SLC38A6: variants seen among roughly 807,000 people sequenced by gnomAD.
SLC38A6 encodes the protein N system amino acid transporter NAT-1.
A neutral mutation model predicts 65.0 loss-of-function variants in SLC38A6; 73 were observed. The ratio of observed to expected loss-of-function variants is 1.12; its 90% CI spans 0.93 to 1.37. The LOEUF is 1.37. SLC38A6 is among the 40% of genes most tolerant of loss of function. The pLI, the probability that SLC38A6 is intolerant of heterozygous loss-of-function variation, is 0.00. For synonymous variants in SLC38A6, 183 were observed against 178.8 expected, an observed-to-expected ratio of 1.02 and a Z score of -0.19; for missense variants, 561 against 531.1, an observed-to-expected ratio of 1.06 and a Z score of -0.55.
intron 1 of SLC38A6, 71 bp downstream of exon 1, chr14:60,981,453 C>G (rs144036194): frequency 6.5e-7 from 1 of 1,545,996 alleles, no homozygotes. Flanking sequence ...CAAATAAGAC[C>G]CAGAAAAGGA....
At chr14:60,993,456 A>C (rs1481810201) in intron 3 of SLC38A6, among the ~76,000 whole-genome samples, 1 of 152,176 alleles carries the variant, frequency 6.6e-6, no homozygotes, top group Non-Finnish European at 1.5e-5. Flanking sequence ...GCAATCATAG[A>C]TATTAGGTGT....
intron 15 of SLC38A6, among the ~76,000 whole-genome samples, chr14:61,064,178 T>A (rs2042949151): frequency 6.6e-6 from 1 of 152,204 alleles, no homozygotes; most frequent in South Asian, 2.1e-4. Flanking sequence ...GCACTTAGAA[T>A]GGTCCCAGGC....
chr14:61,073,970 T>G (rs1166357400), intron 15 of SLC38A6: 1 of 152,220 alleles, frequency 6.6e-6, no homozygotes, highest in Non-Finnish European at 1.5e-5. Flanking sequence ...TCTTATGATT[T>G]TCTTAATGAC....
intron 3 of SLC38A6, chr14:60,987,123 G>T: frequency 2.9e-6 from 1 of 345,878 alleles, no homozygotes; most frequent in Non-Finnish European, 5.5e-6. Context: ...TCCGTTGATT[G>T]AATTCCTTCA....
intron 6 of SLC38A6, chr14:61,030,765 T>G: frequency 3.1e-6 from 1 of 325,216 alleles, no homozygotes; most frequent in Non-Finnish European, 5.7e-6. Context: ...ATCCTTGCAT[T>G]CCTTGGGGGT....
At chr14:61,024,591 A>C (rs377369595) in intron 5 of SLC38A6, among the ~76,000 whole-genome samples, 12 of 152,356 alleles carry the variant, frequency 7.9e-5, no homozygotes, top group Admixed American at 5.2e-4. Context: ...GTAGAAAGTA[A>C]GTATAAGGTA....
At chr14:61,048,088 T>G (rs568007022) in intron 12 of SLC38A6, 88 of 443,844 alleles carry the variant, frequency 2.0e-4, no homozygotes, top group African/African-American at 1.6e-3. Context: ...GAGGCAGATA[T>G]TGATTTGCTC....
In SLC38A6 at chr14:61,006,856, A is replaced by G. The variant is rs1000683775; in HGVS notation, c.311-9048A>G. On this transcript the variant is annotated intron_variant, in intron 3 of 15. Transcript: ENST00000267488. The stretch of plus-strand genomic sequence containing the variant: ...CCAAAGGACTATAAATCATGCTGCT[A>G]TAAAGACACATGCACACATATGTTT... 3.3e-5 allele frequency among the ~76,000 whole-genome samples: 5 copies of G among 152,342 alleles called. No homozygotes were observed. The South Asian group carries it at 8.3e-4, about 25-fold the overall frequency.
intron 3 of SLC38A6, among the ~76,000 whole-genome samples, chr14:61,010,224 C>A (rs545238031): frequency 6.6e-6 from 1 of 151,692 alleles, no homozygotes; most frequent in South Asian, 2.1e-4. Flanking sequence ...CTTGTTGATG[C>A]GGTTGTTTTT....
chr14:61,083,225 G>A (rs1471931663), intron 16 of SLC38A6, among the ~76,000 whole-genome samples: 4 of 152,208 alleles, frequency 2.6e-5, no homozygotes, highest in African/African-American at 9.6e-5. Flanking sequence ...AGGTCAAGGT[G>A]TCTGCTGCCT....
chr14:61,062,217 G>T (rs990685592), intron 15 of SLC38A6, among the ~76,000 whole-genome samples: 1 of 152,196 alleles, frequency 6.6e-6, no homozygotes, highest in Non-Finnish European at 1.5e-5. Flanking sequence ...TGGTAAGAAT[G>T]TATTTAGTTT....
intron 16 of SLC38A6, among the ~76,000 whole-genome samples, chr14:61,083,376 T>A (rs1407963249): frequency 6.6e-6 from 1 of 152,218 alleles, no homozygotes; most frequent in African/African-American, 2.4e-5. Flanking sequence ...GCCCCCTTCA[T>A]TGCTATTAGC....
At chr14:60,995,839 G>T (rs1301524768) in intron 3 of SLC38A6, among the ~76,000 whole-genome samples, 1 of 152,154 alleles carries the variant, frequency 6.6e-6, no homozygotes, top group Non-Finnish European at 1.5e-5. Flanking sequence ...AAACTATGCA[G>T]AAAATAAAAA....
At chr14:61,048,088 T>A in intron 12 of SLC38A6, 1 of 443,844 alleles carries the variant, frequency 2.3e-6, no homozygotes, top group Non-Finnish European at 4.5e-6. Flanking sequence ...GAGGCAGATA[T>A]TGATTTGCTC....
chr14:61,064,764 TTTAAAA>T (rs1292251010), intron 15 of SLC38A6, among the ~76,000 whole-genome samples: 2 of 151,828 alleles, frequency 1.3e-5, no homozygotes, highest in Non-Finnish European at 2.9e-5. Context: ...GTAATAACTA[TTTAAAA>T]TAAAACTAAG....
chr14:60,995,991 G>A (rs1483525812), intron 3 of SLC38A6, among the ~76,000 whole-genome samples: 3 of 152,180 alleles, frequency 2.0e-5, no homozygotes, highest in Non-Finnish European at 2.9e-5. Context: ...AGAATGTACA[G>A]CACTAAAAGT....
At chr14:61,022,851 G>A (rs1412075522) in intron 5 of SLC38A6, among the ~76,000 whole-genome samples, 1 of 152,090 alleles carries the variant, frequency 6.6e-6, no homozygotes, top group Non-Finnish European at 1.5e-5. Flanking sequence ...TCAGTGTGCA[G>A]TGGAGATAAG....
At chr14:60,983,179 CT>C (rs2037197546) in intron 2 of SLC38A6, among the ~76,000 whole-genome samples, 2 of 152,094 alleles carry the variant, frequency 1.3e-5, no homozygotes, top group African/African-American at 4.8e-5. Flanking sequence ...TATATTCATT[CT>C]GTTATTATAA....
chr14:61,072,874 C>G (rs1218009960), intron 15 of SLC38A6, among the ~76,000 whole-genome samples: 1 of 152,076 alleles, frequency 6.6e-6, no homozygotes, highest in African/African-American at 2.4e-5. Flanking sequence ...TACCTATTTT[C>G]TTTCTTTTGG....
Sources: allele counts gnomAD v4.1 joint callset (sites outside exome capture counted in the v4.1 genomes callset), GRCh38; gene constraint gnomAD v4.1.1; transcripts MANE v1.5; gene names NCBI Gene and HGNC (gene_info 2026-07-23, HGNC 2026-07-21).